ARHGAP44: variants seen among roughly 807,000 people sequenced by gnomAD.
The protein encoded by ARHGAP44 is Rho GTPase activating protein 44, also known as rho GTPase-activating protein 44.
Under a neutral mutation model 106.8 loss-of-function variants are expected in ARHGAP44, and 43 were observed. The observed-to-expected ratio is 0.40, with a 90% CI of 0.32 to 0.52. ARHGAP44 has a LOEUF of 0.52. Ranked by LOEUF, ARHGAP44 falls within the 20% of genes least tolerant of loss-of-function variation. ARHGAP44 has a pLI of 0.48. For missense variants in ARHGAP44, 866 were observed against 1,050.5 expected (o/e 0.82, Z 2.43); for synonymous variants, 439 against 410.3 (o/e 1.07, Z -0.85).
Position 12,944,132 on chromosome 17 carries a change from G to A in ARHGAP44, c.797G>A (p.Arg266Gln), listed in dbSNP as rs745637142. ...PLEEHLTISG[R>Q]EIAFPIEACV... is the part of the protein sequence containing the mutation. The stretch of plus-strand genomic sequence containing the variant: ...GAGGAGCACCTCACCATCAGCGGCC[G>A]GGAGATCGCCTTCCCCATCGAGGCG... Residue 266 changes from arginine (R) to glutamine (Q), a missense_variant, in exon 10 of 21, where the codon CGG (arginine) becomes CAG (glutamine). Arg to Gln is a conservative substitution (Grantham distance 43). Around this residue, in one of 2 missense-constraint regions of ARHGAP44, gnomAD observed 448 missense variants for 646.9 expected, o/e 0.69. Coordinates refer to ENST00000379672, the MANE Select transcript of ARHGAP44 (RefSeq NM_014859.6). The A allele has an allele frequency of 1.2e-6, 2 of 1,612,796 alleles. No homozygotes were observed. The highest frequency in any genetic ancestry group is 8.5e-7 in the Non-Finnish European group (1 of 1,179,786).
At chr17:12,849,782 T>TA (rs2035687342) in intron 1 of ARHGAP44, among the ~76,000 whole-genome samples, 1 of 152,010 alleles carries the variant, frequency 6.6e-6, no homozygotes, top group Non-Finnish European at 1.5e-5. Context: ...GCATGTGTCA[T>TA]AAAAAAATAG....
chr17:12,805,119 T>C (rs926886417), intron 1 of ARHGAP44, among the ~76,000 whole-genome samples: 3 of 152,066 alleles, frequency 2.0e-5, no homozygotes, highest in African/African-American at 4.8e-5. Context: ...TAGTGGGGGG[T>C]TGGAAGAGGA....
chr17:12,798,181 T>C (rs2033980513), intron 1 of ARHGAP44, among the ~76,000 whole-genome samples: 1 of 152,214 alleles, frequency 6.6e-6, no homozygotes, highest in Admixed American at 6.5e-5. Context: ...TGGTGGTTTA[T>C]ACTTGTTTTA....
rs1026363141 is a variant in ARHGAP44, at chr17:12,811,551, G to A, written c.53+21660G>A. Among the ~76,000 whole-genome samples the A allele has an allele frequency of 3.3e-5, 5 of 152,246 alleles. No individual in the cohort carries two copies. In the East Asian group the frequency reaches 7.7e-4, roughly 24 times the overall value. On this transcript the variant is annotated intron_variant, in intron 1 of 20. Coordinates refer to ENST00000379672, the MANE Select transcript of ARHGAP44 (RefSeq NM_014859.6). The stretch of plus-strand genomic sequence containing the variant: ...GTAACTTTTATTGGAAAAAGTCTGT[G>A]TATAAGTGGACCTGCACAGTTCCAG...
intron 16 of ARHGAP44, among the ~76,000 whole-genome samples, chr17:12,971,126 C>G (rs562666853): frequency 6.6e-6 from 1 of 152,268 alleles, no homozygotes; most frequent in South Asian, 2.1e-4. Flanking sequence ...AGCCTCTTTA[C>G]AAGAGGAGAA....
chr17:12,815,194 T>A (rs372123904), intron 1 of ARHGAP44, among the ~76,000 whole-genome samples: 4 of 152,106 alleles, frequency 2.6e-5, no homozygotes, highest in African/African-American at 9.7e-5. Flanking sequence ...TGGGATTTTG[T>A]AGAACAAAAT....
intron 1 of ARHGAP44, among the ~76,000 whole-genome samples, chr17:12,861,690 A>G (rs2036087370): frequency 1.1e-5 from 1 of 94,420 alleles, no homozygotes; most frequent in Admixed American, 1.6e-4. Context: ...GCTGGAGTGC[A>G]GTGGCGCAAT....
intron 19 of ARHGAP44, among the ~76,000 whole-genome samples, chr17:12,983,981 C>A (rs1166178714): frequency 6.6e-6 from 1 of 152,202 alleles, no homozygotes; most frequent in South Asian, 2.1e-4. Context: ...AACAGGGGTT[C>A]TGTGGCCGGA....
Position 12,925,334 on chromosome 17 carries a change from G to A in ARHGAP44, c.465-3595G>A, listed in dbSNP as rs75400148. 8.8e-3 allele frequency among the ~76,000 whole-genome samples: 1,340 copies of A among 152,262 alleles called. 36 individuals are homozygous for A. In the South Asian group the frequency reaches 0.092, roughly 10 times the overall value. On this transcript the variant is annotated intron_variant, in intron 6 of 20. Coordinates refer to ENST00000379672, the MANE Select transcript of ARHGAP44 (RefSeq NM_014859.6). ...CTCACCTGGGCCACTCACTGCCTGG[G>A]TCATGCAGAACCTGGCAGTCCCCTT... is the stretch of plus-strand genomic sequence containing the variant.
intron 9 of ARHGAP44, 62 bp from the exon 10 acceptor site, chr17:12,944,007 A>C (rs2038776257): frequency 6.6e-7 from 1 of 1,506,810 alleles, no homozygotes; most frequent in Non-Finnish European, 8.9e-7. Flanking sequence ...AAGGAAAGCG[A>C]GATTCCAGCA....
intron 1 of ARHGAP44, among the ~76,000 whole-genome samples, chr17:12,799,883 C>T (rs1052536857): frequency 6.6e-6 from 1 of 152,152 alleles, no homozygotes; most frequent in African/African-American, 2.4e-5. Flanking sequence ...TCTGCCTTGG[C>T]CTCCCAAAGT....
At chr17:12,834,748 A>AGGGTGTT (rs2035186546) in intron 1 of ARHGAP44, among the ~76,000 whole-genome samples, 1 of 152,240 alleles carries the variant, frequency 6.6e-6, no homozygotes, top group African/African-American at 2.4e-5. Context: ...GCATAATATT[A>AGGGTGTT]GGGTGTTGGA....
At chr17:12,955,168 T>C (rs1196397211) in intron 13 of ARHGAP44, among the ~76,000 whole-genome samples, 3 of 152,234 alleles carry the variant, frequency 2.0e-5, no homozygotes, top group Non-Finnish European at 4.4e-5. Context: ...GGAGTATCCA[T>C]GTTGCAGGAT....
chr17:12,973,360 C>G (rs1221756634), intron 17 of ARHGAP44, 41 bp downstream of exon 17: 1 of 1,592,862 alleles, frequency 6.3e-7, no homozygotes, highest in African/African-American at 1.3e-5. Context: ...TGCTCAGTCT[C>G]TTCAACTGAG....
At chr17:12,920,963 A>T (rs2038066665) in intron 6 of ARHGAP44, among the ~76,000 whole-genome samples, 1 of 152,222 alleles carries the variant, frequency 6.6e-6, no homozygotes, top group African/African-American at 2.4e-5. Flanking sequence ...ATATGTGTAT[A>T]TAAGTTGAAA....
intron 16 of ARHGAP44, among the ~76,000 whole-genome samples, chr17:12,962,388 G>A (rs1567711424): frequency 6.6e-6 from 1 of 152,130 alleles, no homozygotes; most frequent in Non-Finnish European, 1.5e-5. Flanking sequence ...ATTGTGGTAG[G>A]TAAAATAATG....
intron 1 of ARHGAP44, among the ~76,000 whole-genome samples, chr17:12,797,625 T>C (rs965137321): frequency 3.3e-5 from 5 of 152,160 alleles, no homozygotes; most frequent in African/African-American, 1.2e-4. Context: ...CCTGGGTCTT[T>C]AGAGCACAAC....
At chr17:12,892,661 T>G (rs2037082248) in intron 1 of ARHGAP44, among the ~76,000 whole-genome samples, 1 of 151,868 alleles carries the variant, frequency 6.6e-6, no homozygotes, top group Non-Finnish European at 1.5e-5. Flanking sequence ...TCCCTGAGGG[T>G]TTTTTTGTTT....
At chr17:12,977,623 C>T (rs548125913) in intron 18 of ARHGAP44, among the ~76,000 whole-genome samples, 2 of 152,182 alleles carry the variant, frequency 1.3e-5, no homozygotes, top group Admixed American at 6.5e-5. Flanking sequence ...CTTAAACATG[C>T]CTTGTTCAGG....
Sources: allele counts gnomAD v4.1 joint callset (sites outside exome capture counted in the v4.1 genomes callset), GRCh38; gene constraint gnomAD v4.1.1; regional missense constraint gnomAD v4.1.1; transcripts MANE v1.5; gene names NCBI Gene and HGNC (gene_info 2026-07-23, HGNC 2026-07-21).